RBM19: variants seen among roughly 807,000 people sequenced by gnomAD.
RBM19 encodes the protein probable RNA-binding protein 19.
A neutral mutation model predicts 116.8 loss-of-function variants in RBM19; 94 were observed. The observed-to-expected ratio is 0.80, with a 90% CI of 0.68 to 0.95. RBM19 has a LOEUF of 0.95. RBM19 is among the 40% of genes least tolerant of loss of function. RBM19 has a pLI of 0.00. For missense variants in RBM19, 1,161 were observed against 1,220.7 expected (o/e 0.95, Z 0.73); for synonymous variants, 475 against 494.1 (o/e 0.96, Z 0.51).
chr12:113,912,766 G>C (rs919708643), intron 21 of RBM19, among the ~76,000 whole-genome samples: 30 of 152,168 alleles, frequency 2.0e-4, no homozygotes, highest in African/African-American at 7.2e-4. Flanking sequence ...GGACCAGCTT[G>C]GTTCCCCGAA....
In RBM19 at chr12:113,826,204, C is replaced by G. The variant is rs145100885; in HGVS notation, c.2786-2883G>C. Among the ~76,000 whole-genome samples, 345 of 152,314 alleles carry G rather than the reference C, an allele frequency of 2.3e-3. 1 individual carries two copies. The highest frequency in any genetic ancestry group is 7.9e-3 in the African/African-American group (328 of 41,562). On this transcript the variant is annotated intron_variant, in intron 23 of 23. Coordinates refer to ENST00000261741, the MANE Select transcript of RBM19 (RefSeq NM_016196.4). ...TCCAGAGTGCCCTGATGTACACTTC[C>G]TAATCCCTTTCCTGTCCACTTCCCC...
intron 21 of RBM19, among the ~76,000 whole-genome samples, chr12:113,893,691 CA>C (rs1402580664): frequency 6.6e-6 from 1 of 152,152 alleles, no homozygotes; most frequent in Non-Finnish European, 1.5e-5. Context: ...ATCATTAGAT[CA>C]AAAGGTATCA....
intron 21 of RBM19, among the ~76,000 whole-genome samples, chr12:113,913,219 G>A (rs138772593): frequency 1.0e-3 from 157 of 152,212 alleles, no homozygotes; most frequent in Non-Finnish European, 1.7e-3. Flanking sequence ...ATCAACATGC[G>A]CTCTTCTTAG....
At chr12:113,861,397 T>A (rs1878356047) in intron 21 of RBM19, among the ~76,000 whole-genome samples, 2 of 151,944 alleles carry the variant, frequency 1.3e-5, no homozygotes, top group Admixed American at 6.6e-5. Flanking sequence ...ACCCTCTACT[T>A]CTGCCCACAA....
intron 21 of RBM19, among the ~76,000 whole-genome samples, chr12:113,905,005 T>G (rs759827204): frequency 5.9e-5 from 9 of 152,182 alleles, no homozygotes; most frequent in Admixed American, 3.9e-4. Context: ...TGACGCCTGG[T>G]CCAAGCCGCA....
intron 23 of RBM19, among the ~76,000 whole-genome samples, chr12:113,824,126 G>T (rs1874655372): frequency 6.6e-6 from 1 of 152,180 alleles, no homozygotes; most frequent in South Asian, 2.1e-4. Flanking sequence ...AGCACCTCCT[G>T]ATTAGGTACC....
chr12:113,823,254 G>A lies in RBM19; in HGVS notation c.2853C>T (p.Ser951=), dbSNP rs374081569. 10 of 1,612,182 alleles carry A rather than the reference G, an allele frequency of 6.2e-6. No homozygotes were observed. The Admixed American group carries it at 1.0e-4, about 16-fold the overall frequency. ...EILEQLEGSD[S]DSEEQTLQL Reference sequence around the variant, plus strand: ...GCTGAAGGGTCTGCTCCTCGCTGTCGCTGTCACTGCCTTCCAGCTGCTCCA... The same window carrying A: ...GCTGAAGGGTCTGCTCCTCGCTGTCACTGTCACTGCCTTCCAGCTGCTCCA... Residue 951 remains serine, a synonymous_variant, in exon 24 of 24, where the codon AGC becomes AGT. Coordinates refer to ENST00000261741, the MANE Select transcript of RBM19 (RefSeq NM_016196.4).
intron 22 of RBM19, among the ~76,000 whole-genome samples, chr12:113,852,473 C>G (rs150388543): frequency 6.6e-6 from 1 of 152,164 alleles, no homozygotes. Context: ...CAGTCATGAG[C>G]GCACACACGT....
At chr12:113,934,142 A>G (rs10850246) in intron 16 of RBM19, among the ~76,000 whole-genome samples, 24,194 of 152,012 alleles carry the variant, frequency 0.16, 2,544 homozygotes, top group African/African-American at 0.3. Context: ...TTGTAGAAAT[A>G]GGGTTTTGCC....
chr12:113,853,153 G>A (rs1303901175), intron 22 of RBM19, among the ~76,000 whole-genome samples: 1 of 152,208 alleles, frequency 6.6e-6, no homozygotes, highest in Non-Finnish European at 1.5e-5. Context: ...GGCTGGGGAG[G>A]GCCTGGGCCA....
chr12:113,920,381 C>T (rs1868423411), intron 19 of RBM19, among the ~76,000 whole-genome samples: 1 of 152,204 alleles, frequency 6.6e-6, no homozygotes, highest in African/African-American at 2.4e-5. Context: ...CACGTCAGGC[C>T]CTTGATAATA....
intron 21 of RBM19, among the ~76,000 whole-genome samples, chr12:113,899,748 G>A (rs1055654088): frequency 3.9e-5 from 6 of 152,226 alleles, no homozygotes; most frequent in African/African-American, 7.2e-5. Context: ...CGATGCGTGA[G>A]GGGAGAGAAG....
chr12:113,961,440 G>GATGT (rs1229118152), intron 2 of RBM19, among the ~76,000 whole-genome samples: 1 of 152,096 alleles, frequency 6.6e-6, no homozygotes, highest in Non-Finnish European at 1.5e-5. Flanking sequence ...AGTTAAAAAA[G>GATGT]ATGTACTCCA....
chr12:113,836,299 C>T (rs1432692829), intron 23 of RBM19, among the ~76,000 whole-genome samples: 1 of 152,132 alleles, frequency 6.6e-6, no homozygotes. Flanking sequence ...AAACGTCTGT[C>T]TTGCTATTCC....
chr12:113,874,590 G>A (rs1879526451), intron 21 of RBM19, among the ~76,000 whole-genome samples: 1 of 152,202 alleles, frequency 6.6e-6, no homozygotes, highest in Non-Finnish European at 1.5e-5. Context: ...CCCACCCTGG[G>A]GACAGTAACC....
At chr12:113,914,802 T>G (rs1185412628) in intron 21 of RBM19, among the ~76,000 whole-genome samples, 167 bp downstream of exon 21, 1 of 152,170 alleles carries the variant, frequency 6.6e-6, no homozygotes, top group Non-Finnish European at 1.5e-5. Context: ...GGGAGCCACA[T>G]CTGAGATTAA....
At position 113,955,363 on chromosome 12, in the gene RBM19, G is replaced by A. The variant is rs981127766; in HGVS notation, c.841-152C>T. 14 of 755,382 alleles carry A rather than the reference G, an allele frequency of 1.9e-5. No homozygotes were observed. The African/African-American group carries it at 2.2e-4, about 12-fold the overall frequency. The allele number at this position is 755,382 out of a possible 1,614,324, so 46.8% of individuals were successfully genotyped here. A position where few individuals can be genotyped will look rare whatever the true frequency, so the allele number is the denominator to read the frequency against. ...GGAAGAATCAATGTCCACCGTGTAT[G>A]GAGTCTGGCCAGAGGTGGGGCTAGG... is the stretch of plus-strand genomic sequence containing the variant. On this transcript the variant is annotated intron_variant, in intron 6 of 23. Transcript: ENST00000261741.
downstream of RBM19, among the ~76,000 whole-genome samples, chr12:113,818,765 G>A (rs1874227314): frequency 6.6e-6 from 1 of 152,158 alleles, no homozygotes. Context: ...TGGAGTCAGG[G>A]CCTGTGCATT....
At chr12:113,941,584 ACCAT>A (rs369630299) in intron 14 of RBM19, among the ~76,000 whole-genome samples, 24,205 of 140,876 alleles carry the variant, frequency 0.17, 2,564 homozygotes, top group African/African-American at 0.32. Context: ...GTATTCATCC[ACCAT>A]CCATCCATCC....
Sources: allele counts gnomAD v4.1 joint callset (sites outside exome capture counted in the v4.1 genomes callset), GRCh38; gene constraint gnomAD v4.1.1; transcripts MANE v1.5; gene names NCBI Gene and HGNC (gene_info 2026-07-23, HGNC 2026-07-21).